The following ANKRD30BL variants were observed in gnomAD, a reference collection of about 807,000 sequenced individuals.
ANKRD30BL encodes the protein putative ankyrin repeat domain-containing protein 30B-like.
Under a neutral mutation model 18.4 loss-of-function variants are expected in ANKRD30BL, and 20 were observed. The observed-to-expected ratio is 1.09, with a 90% CI of 0.77 to 1.58. ANKRD30BL has a LOEUF of 1.58. Ranked by LOEUF, ANKRD30BL falls within the 40% of genes most tolerant of loss-of-function variation. The pLI, the probability that ANKRD30BL is intolerant of heterozygous loss-of-function variation, is 0.00. For missense variants in ANKRD30BL, 224 were observed against 268.6 expected, an observed-to-expected ratio of 0.83 and a Z score of 1.16; for synonymous variants, 72 against 100.9, an observed-to-expected ratio of 0.71 and a Z score of 1.72.
intron 5 of ANKRD30BL, among the ~76,000 whole-genome samples, chr2:132,150,101 G>T (rs1213899020): frequency 1.3e-5 from 2 of 151,944 alleles, no homozygotes; most frequent in African/African-American, 4.8e-5. Context: ...CTCTCATGTT[G>T]CTCAATACTC....
chr2:132,231,899 C>T (rs1680029409), intron 1 of ANKRD30BL, among the ~76,000 whole-genome samples: 1 of 152,198 alleles, frequency 6.6e-6, no homozygotes, highest in Non-Finnish European at 1.5e-5. Flanking sequence ...CACAGACAAA[C>T]AAAAAGCAGT....
At chr2:132,174,320 A>G (rs1688327950) in intron 1 of ANKRD30BL, among the ~76,000 whole-genome samples, 1 of 152,170 alleles carries the variant, frequency 6.6e-6, no homozygotes, top group Non-Finnish European at 1.5e-5. Flanking sequence ...TTGAAAGATT[A>G]TGTTGATTTC....
chr2:132,255,617 G>C (rs530835235), intron 1 of ANKRD30BL, among the ~76,000 whole-genome samples: 1 of 152,146 alleles, frequency 6.6e-6, no homozygotes, highest in Non-Finnish European at 1.5e-5. Flanking sequence ...CTCATTAAAA[G>C]ATTTAAAGTG....
In ANKRD30BL at chr2:132,161,538, C is replaced by G; in HGVS notation, c.168G>C (p.Arg56Ser). 1 of 1,456,844 alleles carries G rather than the reference C, an allele frequency of 6.9e-7. No individual in the cohort carries two copies. Among genetic ancestry groups the G allele is most frequent in the Non-Finnish European group, 9.4e-7 (1 of 1,063,442 alleles). 90.2% of individuals were successfully genotyped at this position (1,456,844 alleles called of 1,614,324 possible). The change falls in exon 1 of 6, where the codon AGG (arginine) becomes AGC (serine). Residue 56 changes from arginine (R) to serine (S), a missense_variant. By Grantham distance (110) the Arg-to-Ser change is moderately radical. This residue lies in a region of ANKRD30BL where 131 missense variants were observed against 128.8 expected (regional missense o/e 1.02). Coordinates refer to ENST00000409867, the MANE Select transcript of ANKRD30BL (RefSeq NM_001358416.1). ...ASRGQAWKLE[R>S]MMKKTTMDLN... Reference sequence around the variant, plus strand: ...GGTCCATTGTCGTCTTCTTCATCATCCTCTCCAGCTTCCAGGCTTGGCCCC... The same window carrying G: ...GGTCCATTGTCGTCTTCTTCATCATGCTCTCCAGCTTCCAGGCTTGGCCCC...
chr2:132,256,650 C>G (rs1454240242), intron 1 of ANKRD30BL, among the ~76,000 whole-genome samples: 1 of 152,230 alleles, frequency 6.6e-6, no homozygotes, highest in Non-Finnish European at 1.5e-5. Flanking sequence ...CGCGGCCAGC[C>G]CCCTGAACCC....
intron 1 of ANKRD30BL, among the ~76,000 whole-genome samples, chr2:132,218,703 A>G (rs1238092656): frequency 1.3e-5 from 2 of 149,676 alleles, no homozygotes; most frequent in East Asian, 3.9e-4. Flanking sequence ...ACAGAGTTGA[A>G]CATACCTTAT....
intron 1 of ANKRD30BL, among the ~76,000 whole-genome samples, chr2:132,221,983 G>T (rs1296304579): frequency 7.7e-6 from 1 of 129,510 alleles, no homozygotes; most frequent in African/African-American, 3.1e-5. Context: ...CTGCCTGGCC[G>T]CCCCTACTGG....
At chr2:132,149,280 A>G (rs1687695062) in intron 5 of ANKRD30BL, among the ~76,000 whole-genome samples, 1 of 152,182 alleles carries the variant, frequency 6.6e-6, no homozygotes, top group African/African-American at 2.4e-5. Context: ...ATTTATAATG[A>G]TAATATTTTG....
chr2:132,215,315 C>T (rs199947864), intron 1 of ANKRD30BL, among the ~76,000 whole-genome samples: 9 of 151,922 alleles, frequency 5.9e-5, no homozygotes, highest in South Asian at 4.1e-4. Context: ...AGGGGACATG[C>T]GGAGCTCTTT....
chr2:132,210,410 T>C (rs1679314762), intron 1 of ANKRD30BL, among the ~76,000 whole-genome samples: 1 of 152,134 alleles, frequency 6.6e-6, no homozygotes, highest in Admixed American at 6.6e-5. Context: ...AGAAACTTCT[T>C]TGTGATTTGT....
At chr2:132,195,563 G>A (rs1458921320) in intron 1 of ANKRD30BL, among the ~76,000 whole-genome samples, 2 of 151,792 alleles carry the variant, frequency 1.3e-5, no homozygotes, top group Non-Finnish European at 2.9e-5. Context: ...GGCTGAGATG[G>A]GTAAATCATC....
At chr2:132,179,168 A>G (rs1688415035) in intron 1 of ANKRD30BL, among the ~76,000 whole-genome samples, 1 of 152,176 alleles carries the variant, frequency 6.6e-6, no homozygotes, top group Admixed American at 6.6e-5. Flanking sequence ...GATGCTGGTG[A>G]AAACAGACCT....
intron 4 of ANKRD30BL, among the ~76,000 whole-genome samples, chr2:132,153,255 C>T (rs1365561390): frequency 1.3e-5 from 2 of 152,096 alleles, no homozygotes; most frequent in Non-Finnish European, 2.9e-5. Flanking sequence ...GAAGACAGCC[C>T]CCTGGGGACA....
intron 1 of ANKRD30BL, among the ~76,000 whole-genome samples, chr2:132,226,812 C>T (rs1457724804): frequency 6.6e-6 from 1 of 152,008 alleles, no homozygotes; most frequent in Non-Finnish European, 1.5e-5. Flanking sequence ...TTTGTAGATT[C>T]TGTAAGTGGA....
intron 4 of ANKRD30BL, 50 bp downstream of exon 4, chr2:132,154,612 T>G (rs763501648): frequency 3.5e-6 from 2 of 567,886 alleles, no homozygotes; most frequent in South Asian, 4.6e-5. Flanking sequence ...TTGAGAGTTA[T>G]TACTCTAGCA....
chr2:132,255,692 G>C (rs1378786052), intron 1 of ANKRD30BL, among the ~76,000 whole-genome samples: 2 of 152,074 alleles, frequency 1.3e-5, no homozygotes, highest in African/African-American at 4.8e-5. Context: ...CTACCTCCCC[G>C]TGTCAGGAGT....
chr2:132,216,887 A>G (rs1360781627), intron 1 of ANKRD30BL, among the ~76,000 whole-genome samples: 2 of 150,046 alleles, frequency 1.3e-5, no homozygotes, highest in Non-Finnish European at 3.0e-5. Context: ...GCATATTTGG[A>G]CTGCTTCGAG....
At chr2:132,160,140 C>T (rs1436497891) in intron 1 of ANKRD30BL, among the ~76,000 whole-genome samples, 1 of 152,084 alleles carries the variant, frequency 6.6e-6, no homozygotes, top group Non-Finnish European at 1.5e-5. Flanking sequence ...GTCTCACTGT[C>T]TCCCAGGCTA....
chr2:132,164,269 C>CTTT (rs796313755), upstream of ANKRD30BL, among the ~76,000 whole-genome samples: 19 of 112,212 alleles, frequency 1.7e-4, 1 homozygote, highest in East Asian at 8.0e-4. Flanking sequence ...TTTTCTTTTT[C>CTTT]TTTTTTTTTT....
Sources: gnomAD v4.1 joint callset for allele counts (sites outside exome capture counted in the v4.1 genomes callset) on GRCh38, gnomAD v4.1.1 for gene constraint, gnomAD v4.1.1 regional missense constraint, MANE v1.5 for transcripts, NCBI Gene and HGNC (gene_info 2026-07-23, HGNC 2026-07-21) for gene names.